The following PRDM5 variants were observed in gnomAD, a reference collection of about 807,000 sequenced individuals.
PRDM5 encodes the protein PR/SET domain 5.
PRDM5 carries 56 observed loss-of-function variants against 81.2 expected under a neutral mutation model. That is an observed-to-expected ratio of 0.69 (90% CI 0.56 to 0.86). The LOEUF (loss-of-function observed/expected upper bound fraction) is 0.86, where lower values mean the gene tolerates loss of function less well. PRDM5 is among the 40% of genes least tolerant of loss of function. The pLI is 0.00. For synonymous variants in PRDM5, 267 were observed against 256.4 expected (o/e 1.04, Z -0.39); for missense variants, 697 against 770.1 (o/e 0.91, Z 1.12).
In PRDM5 at chr4:120,854,870, G is replaced by T. The variant is rs147023744; in HGVS notation, c.178-1330C>A. Among the ~76,000 whole-genome samples, 1,223 of 151,910 alleles carry T rather than the reference G, an allele frequency of 8.1e-3. 10 individuals carry two copies. The highest frequency in any genetic ancestry group is 0.027 in the African/African-American group (1,126 of 41,420). ...AGGGGAAGACTGTTTCCAAGCAGAG[G>T]GTACAGCAAGTGAAAGGCAAGGAGA... On this transcript the variant is annotated intron_variant, in intron 2 of 15. Transcript: ENST00000264808.
At chr4:120,699,239 C>T (rs1735008666) in intron 15 of PRDM5, among the ~76,000 whole-genome samples, 1 of 135,840 alleles carries the variant, frequency 7.4e-6, no homozygotes, top group Non-Finnish European at 1.6e-5. Flanking sequence ...CCATTTTTGG[C>T]TTACTTCTCA....
chr4:120,920,942 T>C (rs1724832780), intron 1 of PRDM5, among the ~76,000 whole-genome samples: 1 of 152,014 alleles, frequency 6.6e-6, no homozygotes, highest in Non-Finnish European at 1.5e-5. Flanking sequence ...ATCAAACACA[T>C]GAAAAAAATA....
At chr4:120,871,594 T>C (rs1290796463) in intron 2 of PRDM5, among the ~76,000 whole-genome samples, 1 of 152,192 alleles carries the variant, frequency 6.6e-6, no homozygotes, top group African/African-American at 2.4e-5. Flanking sequence ...AGTAAGATAT[T>C]TGCATATAGG....
rs553671375 is a variant in PRDM5, at chr4:120,863,562, CT to C, written c.178-10023del. On this transcript the variant is annotated intron_variant, in intron 2 of 15. Coordinates refer to ENST00000264808, the MANE Select transcript of PRDM5 (RefSeq NM_018699.4). Reference sequence around the variant, plus strand: ...TTAACAAAGTTTTATCATACAAATACTTAACTTACAGAAATTAAACCATACC... The same window carrying C: ...TTAACAAAGTTTTATCATACAAATACTAACTTACAGAAATTAAACCATACC... 8.6e-4 allele frequency among the ~76,000 whole-genome samples: 131 copies of C among 152,096 alleles called. 1 individual carries two copies. The highest frequency in any genetic ancestry group is 1.5e-3 in the Non-Finnish European group (104 of 67,990).
At chr4:120,916,836 C>G (rs1158799703) in intron 1 of PRDM5, among the ~76,000 whole-genome samples, 1 of 152,230 alleles carries the variant, frequency 6.6e-6, no homozygotes, top group Non-Finnish European at 1.5e-5. Context: ...CCAATCCTAT[C>G]AGCATGTTCT....
chr4:120,860,232 A>G (rs1760409162), intron 2 of PRDM5, among the ~76,000 whole-genome samples: 1 of 152,188 alleles, frequency 6.6e-6, no homozygotes, highest in African/African-American at 2.4e-5. Context: ...CTCAATAAAT[A>G]TTTTATTAAC....
intron 1 of PRDM5, among the ~76,000 whole-genome samples, chr4:120,916,558 T>C (rs1724193934): frequency 6.6e-6 from 1 of 152,150 alleles, no homozygotes; most frequent in African/African-American, 2.4e-5. Context: ...ACATAAAACA[T>C]AAAATGTGTG....
chr4:120,705,029 G>T (rs1406009369), intron 15 of PRDM5, among the ~76,000 whole-genome samples: 2 of 152,182 alleles, frequency 1.3e-5, no homozygotes, highest in Non-Finnish European at 2.9e-5. Flanking sequence ...CGTATGTTTT[G>T]TAAGTGGTGG....
downstream of PRDM5, among the ~76,000 whole-genome samples, chr4:120,688,195 T>G (rs1733906085): frequency 6.6e-6 from 1 of 152,124 alleles, no homozygotes; most frequent in Non-Finnish European, 1.5e-5. Flanking sequence ...AGGTGACACT[T>G]CATAGTGGTT....
intron 14 of PRDM5, among the ~76,000 whole-genome samples, 185 bp downstream of exon 14, chr4:120,754,367 GT>G (rs919794416): frequency 7.3e-5 from 11 of 151,314 alleles, no homozygotes; most frequent in South Asian, 2.1e-4. Context: ...TTCAATTTGT[GT>G]TTTTTTTCTT....
rs1199438977 is a variant in PRDM5 at position 120,874,026 on chromosome 4, A to C, written c.178-20486T>G. Among the ~76,000 whole-genome samples, 4 of 152,172 alleles carry C rather than the reference A, an allele frequency of 2.6e-5. No individual in the cohort carries two copies. In the East Asian group the frequency reaches 7.7e-4, roughly 29 times the overall value. The stretch of plus-strand genomic sequence containing the variant: ...GGGGTATGGTGTGCTATTTTCATAC[A>C]CATATATTAATGTGTAATGATTAAA... On this transcript the variant is annotated intron_variant, in intron 2 of 15. Transcript: ENST00000264808.
intron 3 of PRDM5, among the ~76,000 whole-genome samples, chr4:120,823,039 C>A (rs1755492252): frequency 1.3e-5 from 2 of 152,216 alleles, no homozygotes; most frequent in South Asian, 4.2e-4. Context: ...AACTCAAAAG[C>A]AGCATTTTCC....
intron 3 of PRDM5, among the ~76,000 whole-genome samples, chr4:120,831,576 CT>C (rs1242874158): frequency 1.3e-5 from 2 of 151,936 alleles, no homozygotes; most frequent in Non-Finnish European, 2.9e-5. Context: ...AACGATAAGT[CT>C]ATAAAAGAAA....
At chr4:120,845,015 C>G (rs1313854826) in intron 3 of PRDM5, among the ~76,000 whole-genome samples, 1 of 152,204 alleles carries the variant, frequency 6.6e-6, no homozygotes, top group African/African-American at 2.4e-5. Context: ...CAAACCAGAG[C>G]AACTCCCTAA....
chr4:120,818,619 TGTGC>T, intron 4 of PRDM5, 92 bp from the exon 5 acceptor site: 16 of 1,084,116 alleles, frequency 1.5e-5, no homozygotes, highest in Non-Finnish European at 2.0e-5. Context: ...ATTAATTAAT[TGTGC>T]TTAATGATAC....
chr4:120,774,210 G>A (rs1380092202), intron 13 of PRDM5, among the ~76,000 whole-genome samples: 1 of 152,156 alleles, frequency 6.6e-6, no homozygotes, highest in East Asian at 1.9e-4. Context: ...GTCCTCTTCT[G>A]ACTGTCCCCA....
chr4:120,689,086 T>A (rs1733940940), downstream of PRDM5, among the ~76,000 whole-genome samples: 2 of 152,158 alleles, frequency 1.3e-5, no homozygotes, highest in Admixed American at 1.3e-4. Flanking sequence ...TCGGGTCAGA[T>A]CTGTAGCTTA....
chr4:120,887,235 C>T (rs1320127289), intron 2 of PRDM5, among the ~76,000 whole-genome samples: 2 of 152,060 alleles, frequency 1.3e-5, no homozygotes, highest in Admixed American at 1.3e-4. Context: ...TGAGCCACTG[C>T]GCCTGGCTGA....
intron 3 of PRDM5, among the ~76,000 whole-genome samples, chr4:120,822,002 C>T (rs990453172): frequency 6.6e-6 from 1 of 150,858 alleles, no homozygotes; most frequent in Non-Finnish European, 1.5e-5. Context: ...TTAGAAAGTC[C>T]TGGAAAACAG....
Sources: gnomAD v4.1 joint callset for allele counts (sites outside exome capture counted in the v4.1 genomes callset) on GRCh38, gnomAD v4.1.1 for gene constraint, MANE v1.5 for transcripts, NCBI Gene and HGNC (gene_info 2026-07-23, HGNC 2026-07-21) for gene names.